The following DCST1 variants were observed in gnomAD, a reference collection of about 807,000 sequenced individuals.
DCST1 encodes the protein DC-STAMP domain containing 1.
In DCST1, 78 loss-of-function variants were observed where a neutral mutation model predicts 89.1. The observed-to-expected ratio is 0.88, with a 90% CI of 0.73 to 1.06. The LOEUF (loss-of-function observed/expected upper bound fraction) is 1.06. Ranked by LOEUF, DCST1 falls within the 50% of genes least tolerant of loss-of-function variation. The pLI is 0.00. For synonymous variants in DCST1, 364 were observed against 371.9 expected (o/e 0.98, Z 0.24); for missense variants, 900 against 928.6 (o/e 0.97, Z 0.40).
chr1:155,042,930 G>A, intron 9 of DCST1, 74 bp downstream of exon 9: 1 of 1,574,992 alleles, frequency 6.3e-7, no homozygotes, highest in Non-Finnish European at 8.6e-7. Flanking sequence ...TAGAGCTAGA[G>A]GAAGGACAAG....
intron 4 of DCST1, among the ~76,000 whole-genome samples, chr1:155,036,985 C>G (rs1353327449): frequency 2.6e-5 from 4 of 152,254 alleles, no homozygotes; most frequent in Non-Finnish European, 4.4e-5. Context: ...AGGTCTCAAA[C>G]CCCTGGGCTC....
At position 155,041,758 on chromosome 1, in the gene DCST1, C is replaced by G; in HGVS notation, c.793C>G (p.Arg265Gly). The G allele has an allele frequency of 6.8e-6, 11 of 1,614,230 alleles. No individual in the cohort carries two copies. Among genetic ancestry groups the G allele is most frequent in the Non-Finnish European group, 9.3e-6 (11 of 1,180,042 alleles). The change falls in exon 8 of 17, where the codon CGC (arginine) becomes GGC (glycine). Residue 265 changes from arginine to glycine, a missense_variant. Arg to Gly is a moderately radical substitution (Grantham distance 125, BLOSUM62 -2). Transcript: ENST00000295542. ...ACTCAGCTGCCGTCGTTGGTTTGAC[C>G]GCAAGCATGAACAGTGCATGAAGCA... ...AILSCRRWFDRKHEQCMKHIW... is the reference protein window; with the variant it reads ...AILSCRRWFDGKHEQCMKHIW...
At chr1:155,034,960 C>T (rs1399096527) in intron 4 of DCST1, 2 of 568,630 alleles carry the variant, frequency 3.5e-6, no homozygotes, top group Non-Finnish European at 6.3e-6. Context: ...CTCCCCATCA[C>T]CCACATGATA....
intron 16 of DCST1, 108 bp from the exon 17 acceptor site, chr1:155,050,509 A>G: frequency 7.1e-7 from 1 of 1,414,278 alleles, no homozygotes. Context: ...AGCCTCCTCC[A>G]ACACGCGGGA....
chr1:155,041,012 G>T (rs865998636), intron 6 of DCST1, among the ~76,000 whole-genome samples: 1 of 152,056 alleles, frequency 6.6e-6, no homozygotes, highest in African/African-American at 2.4e-5. Context: ...GAGAGTTGGG[G>T]ACATGGGGGC....
chr1:155,049,434 A>G (rs919949043), intron 16 of DCST1, among the ~76,000 whole-genome samples: 1 of 127,858 alleles, frequency 7.8e-6, no homozygotes, highest in South Asian at 2.5e-4. Flanking sequence ...TTTTTTTTTG[A>G]GACTAAGTCT....
rs558901581 is a variant in DCST1 at position 155,047,894 on chromosome 1, C to A, written c.1720C>A (p.Leu574Ile). 2.5e-6 allele frequency: 4 copies of A among 1,614,182 alleles called. No homozygotes were observed. The East Asian group carries it at 8.9e-5, about 36-fold the overall frequency. ...CCTGTTACAGGCTTTTGGCTACCGACTCCGGAGGGTCATCGCAGCCTTCTA... is the reference window on the plus strand; with the variant it reads ...CCTGTTACAGGCTTTTGGCTACCGAATCCGGAGGGTCATCGCAGCCTTCTA... ...LCLLQAFGYR[L>I]RRVIAAFYFP... Residue 574 changes from leucine (L) to isoleucine (I), a missense_variant, in exon 15 of 17, where the codon CTC becomes ATC. Physicochemically the swap from Leu to Ile is conservative, Grantham distance 5 (BLOSUM62 2). Transcript: ENST00000295542.
chr1:155,043,360 G>A lies in DCST1; in HGVS notation c.1023G>A (p.Lys341=). The change falls in exon 10 of 17, where the codon AAG becomes AAA. Residue 341 remains lysine (K), a synonymous_variant. Transcript: ENST00000295542. ...CATGTGCCCTCCACCAGGAAGAGAA[G>A]CAGGCTGGGGTGCTGGGGCTCAACA... is the stretch of plus-strand genomic sequence containing the variant. ...FSANIDFKEE[K]QAGVLGLNTS... is the part of the protein sequence containing the mutation. The A allele has an allele frequency of 6.2e-7, 1 of 1,614,076 alleles. No homozygotes were observed. Among genetic ancestry groups the A allele is most frequent in the Non-Finnish European group, 8.5e-7 (1 of 1,179,982 alleles).
intron 6 of DCST1, 50 bp from the exon 7 acceptor site, chr1:155,041,347 G>C (rs781683344): frequency 1.9e-5 from 31 of 1,598,790 alleles, no homozygotes; most frequent in Non-Finnish European, 2.6e-5. Flanking sequence ...GGCAGCAGAA[G>C]TTCTAAAGCC....
intron 16 of DCST1, among the ~76,000 whole-genome samples, chr1:155,049,946 G>A (rs541391924): frequency 2.0e-5 from 3 of 152,238 alleles, no homozygotes; most frequent in East Asian, 1.9e-4. Flanking sequence ...CTAGTCTCAG[G>A]AGAAACTGGC....
chr1:155,048,673 G>A (rs948719377), intron 16 of DCST1, among the ~76,000 whole-genome samples: 10 of 151,946 alleles, frequency 6.6e-5, no homozygotes, highest in African/African-American at 2.4e-4. Context: ...GGCTGTGCCC[G>A]TTTCTGAATC....
chr1:155,035,554 C>T (rs1287821746), intron 4 of DCST1, among the ~76,000 whole-genome samples: 4 of 152,166 alleles, frequency 2.6e-5, no homozygotes, highest in Non-Finnish European at 5.9e-5. Context: ...GACCACTTCT[C>T]TTCAGGTCAC....
chr1:155,036,170 C>A (rs550344361), intron 4 of DCST1, among the ~76,000 whole-genome samples: 3 of 151,946 alleles, frequency 2.0e-5, no homozygotes, highest in Non-Finnish European at 2.9e-5. Context: ...GTCAGAACTG[C>A]GTGCAACACA....
chr1:155,049,289 G>A (rs1660770876), intron 16 of DCST1: 1 of 494,086 alleles, frequency 2.0e-6, no homozygotes, highest in South Asian at 3.5e-5. Context: ...CATGCAGCAA[G>A]TTCCATATGC....
chr1:155,034,517 T>C lies in DCST1; in HGVS notation c.144T>C (p.Thr48=). The C allele has an allele frequency of 1.9e-6, 3 of 1,613,596 alleles. No individual in the cohort carries two copies. The highest frequency in any genetic ancestry group is 2.5e-6 in the Non-Finnish European group (3 of 1,179,858). The part of the protein sequence containing the change: ...LWRQPGEFPV[T]ALLLGAGAGG... ...GCCAGCCGGGCGAGTTTCCTGTCAC[T>C]GCTCTCCTGCTGGGGGCAGGCGCTG... Residue 48 remains threonine, a synonymous_variant, in exon 3 of 17, where the codon ACT becomes ACC. Coordinates refer to ENST00000295542, the MANE Select transcript of DCST1 (RefSeq NM_152494.4).
At position 155,047,187 on chromosome 1, in the gene DCST1, T is replaced by G; in HGVS notation, c.1496-9T>G. On this transcript the variant is annotated splice_polypyrimidine_tract_variant and intron_variant, in intron 13 of 16. Transcript: ENST00000295542. ...GCCCTGACTTCCCTACCTGTCCTCC[T>G]GGCCGCAGGCAGTCATAAACTGGAG... The G allele has an allele frequency of 3.1e-6, 5 of 1,612,724 alleles. No homozygotes were observed. The highest frequency in any genetic ancestry group is 4.2e-6 in the Non-Finnish European group (5 of 1,178,754).
intron 4 of DCST1, among the ~76,000 whole-genome samples, chr1:155,037,858 C>T (rs555606712): frequency 6.6e-6 from 1 of 152,360 alleles, no homozygotes; most frequent in East Asian, 1.9e-4. Context: ...GAACATAGGG[C>T]AACTATTTGT....
chr1:155,043,441 C>T lies in DCST1; in HGVS notation c.1104C>T (p.Ala368=). ...GGGACTACGTGTACCGCCAGGAGGC[C>T]CGGCTGGAGTGGGCCCTGGGGCTGC... ...EVRDYVYRQE[A]RLEWALGLLH... Residue 368 remains alanine, a synonymous_variant, in exon 10 of 17, where the codon GCC becomes GCT. Coordinates refer to ENST00000295542, the MANE Select transcript of DCST1 (RefSeq NM_152494.4). The T allele has an allele frequency of 1.2e-6, 2 of 1,613,226 alleles. No homozygotes were observed. The highest frequency in any genetic ancestry group is 2.2e-5 in the South Asian group (2 of 91,020).
At chr1:155,049,571 C>T (rs1234964537) in intron 16 of DCST1, among the ~76,000 whole-genome samples, 1 of 152,098 alleles carries the variant, frequency 6.6e-6, no homozygotes, top group Non-Finnish European at 1.5e-5. Flanking sequence ...CACACTACCA[C>T]GCCCGGCTAA....
Sources: allele counts gnomAD v4.1 joint callset (sites outside exome capture counted in the v4.1 genomes callset), GRCh38; gene constraint gnomAD v4.1.1; transcripts MANE v1.5; gene names NCBI Gene and HGNC (gene_info 2026-07-23, HGNC 2026-07-21).